The following ANK2 variants were observed in gnomAD, a reference collection of about 807,000 sequenced individuals.
ANK2 encodes ankyrin 2.
Under a neutral mutation model 360.5 loss-of-function variants are expected in ANK2, and 83 were observed. That is an observed-to-expected ratio of 0.23 (90% CI 0.19 to 0.28). The LOEUF is 0.28. Ranked by LOEUF, ANK2 falls within the 10% of genes least tolerant of loss-of-function variation. The pLI, the probability that ANK2 is intolerant of heterozygous loss-of-function variation, is 1.00. For missense variants in ANK2, 4,201 were observed against 4,795.7 expected (o/e 0.88, Z 3.66); for synonymous variants, 1,740 against 1,759.5 (o/e 0.99, Z 0.28).
At chr4:113,302,360 T>C (rs1402157062) in intron 22 of ANK2, among the ~76,000 whole-genome samples, 2 of 152,262 alleles carry the variant, frequency 1.3e-5, no homozygotes, top group Non-Finnish European at 2.9e-5. Context: ...TCTTTTCTAA[T>C]GGCTTTGCTT....
At chr4:112,860,416 G>C (rs932991868) in intron 1 of ANK2, among the ~76,000 whole-genome samples, 4 of 151,878 alleles carry the variant, frequency 2.6e-5, no homozygotes, top group Non-Finnish European at 5.9e-5. Context: ...TAGTGAAGAC[G>C]GGGTTTCACC....
chr4:112,786,937 T>C, the ANK2 span, among the ~76,000 whole-genome samples: 1 of 151,756 alleles, frequency 6.6e-6, no homozygotes, highest in Admixed American at 6.6e-5. Context: ...TTAGTAGAGA[T>C]GGGGATTCGC....
Position 113,365,039 on chromosome 4 carries a change from A to G in ANK2, c.10889A>G (p.Asp3630Gly). 1 of 1,613,868 alleles carries G rather than the reference A, an allele frequency of 6.2e-7. No individual in the cohort carries two copies. ...AAATGCTGTTTCTCTAATGTGTCAG[A>G]TACCAACCTCGTTGAATGTCTCACC... Reference protein sequence around the residue: ...WLERDGKHATDTNLVECLTKI... With the variant: ...WLERDGKHATGTNLVECLTKI... Residue 3630 changes from aspartate to glycine, a missense_variant and splice_region_variant, in exon 41 of 46, where the codon GAT (aspartate) becomes GGT (glycine). This residue lies in a region of ANK2 where 2,642 missense variants were observed against 2,714.5 expected (regional missense o/e 0.97). Coordinates refer to ENST00000357077, the MANE Select transcript of ANK2 (RefSeq NM_001148.6).
Position 113,353,682 on chromosome 4 carries a change from G to A in ANK2, c.5064G>A (p.Gln1688=), listed in dbSNP as rs1051651927. The change falls in exon 38 of 46, where the codon CAG becomes CAA. Residue 1688 remains glutamine (Q), a synonymous_variant. Coordinates refer to ENST00000357077, the MANE Select transcript of ANK2 (RefSeq NM_001148.6). ...AAGACATACCCCCAGATGAGACACA[G>A]AGTACACAGAAACAGCACAAACCAA... ...EGKDIPPDET[Q]STQKQHKPSL... is the part of the protein sequence containing the mutation. 1.9e-6 allele frequency: 3 copies of A among 1,613,814 alleles called. No individual in the cohort carries two copies. In the African/African-American group the frequency reaches 4.0e-5, roughly 22 times the overall value.
chr4:112,802,015 T>C, the ANK2 span, among the ~76,000 whole-genome samples: 1 of 152,026 alleles, frequency 6.6e-6, no homozygotes, highest in Non-Finnish European at 1.5e-5. Flanking sequence ...ATTTGTGTGA[T>C]ATTTTCCAGG....
chr4:113,298,400 T>C (rs1365070052), intron 22 of ANK2, among the ~76,000 whole-genome samples: 1 of 152,172 alleles, frequency 6.6e-6, no homozygotes, highest in Non-Finnish European at 1.5e-5. Context: ...AAGTATGCTG[T>C]GGTGGCTTAG....
intron 22 of ANK2, among the ~76,000 whole-genome samples, chr4:113,299,021 C>G (rs1287620444): frequency 6.6e-6 from 1 of 152,160 alleles, no homozygotes; most frequent in East Asian, 1.9e-4. Context: ...TACCACATTG[C>G]ATATAGAGGC....
the ANK2 span, among the ~76,000 whole-genome samples, chr4:112,812,553 A>G: frequency 1.3e-5 from 2 of 152,210 alleles, no homozygotes; most frequent in African/African-American, 4.8e-5. Context: ...GGCACCAGAC[A>G]TGTGAGTGAA....
intron 29 of ANK2, among the ~76,000 whole-genome samples, chr4:113,335,329 A>G (rs1023961530): frequency 2.6e-5 from 4 of 152,212 alleles, no homozygotes; most frequent in Non-Finnish European, 5.9e-5. Flanking sequence ...AAACTCATAA[A>G]CATGACTCTT....
intron 2 of ANK2, among the ~76,000 whole-genome samples, chr4:112,975,113 C>T (rs998222763): frequency 2.6e-5 from 4 of 152,148 alleles, no homozygotes; most frequent in African/African-American, 9.7e-5. Context: ...GGGAAATGCC[C>T]GTTTTTCCCT....
intron 1 of ANK2, among the ~76,000 whole-genome samples, chr4:112,829,125 C>A (rs1475600967): frequency 6.6e-6 from 1 of 152,084 alleles, no homozygotes; most frequent in Non-Finnish European, 1.5e-5. Flanking sequence ...TGCATTCCAG[C>A]CTGGGTGACA....
chr4:112,793,740 C>T, the ANK2 span, among the ~76,000 whole-genome samples: 4 of 139,664 alleles, frequency 2.9e-5, no homozygotes, highest in Non-Finnish European at 4.5e-5. Flanking sequence ...GGGTCTTACT[C>T]TGTCGCCCAG....
chr4:113,242,335 T>TGATTTAAATGTTGTATGA, intron 9 of ANK2, 126 bp downstream of exon 9: 1 of 835,548 alleles, frequency 1.2e-6, no homozygotes, highest in Non-Finnish European at 2.0e-6. Context: ...TTATTGGAAT[T>TGATTTAAATGTTGTATGA]GATTTAAATC....
chr4:112,990,859 G>A (rs1561436797), intron 2 of ANK2, among the ~76,000 whole-genome samples: 1 of 152,172 alleles, frequency 6.6e-6, no homozygotes, highest in Non-Finnish European at 1.5e-5. Flanking sequence ...GTGTTACTGT[G>A]AAGTATTTTA....
Position 113,277,971 on chromosome 4 carries a change from T to C in ANK2, c.1782+36T>C, listed in dbSNP as rs762241933. 17 of 1,557,292 alleles carry C rather than the reference T, an allele frequency of 1.1e-5. 1 individual carries two copies. In the South Asian group the frequency reaches 1.5e-4, roughly 13 times the overall value. ...TCTATACGTTATAATTATGTAACAG[T>C]GAAGGTGATAGATTAGGAGATCTGT... On this transcript the variant is annotated intron_variant, in intron 16 of 45. Coordinates refer to ENST00000357077, the MANE Select transcript of ANK2 (RefSeq NM_001148.6).
At chr4:113,331,897 G>T (rs1017551812) in intron 27 of ANK2, 75 bp from the exon 28 acceptor site, 16 of 1,360,960 alleles carry the variant, frequency 1.2e-5, no homozygotes, top group Non-Finnish European at 1.7e-5. Context: ...AGCTGGCGAC[G>T]CTGGGGTTCT....
chr4:112,771,262 G>A, the ANK2 span, among the ~76,000 whole-genome samples: 5 of 152,108 alleles, frequency 3.3e-5, no homozygotes, highest in East Asian at 1.9e-4. Context: ...ACAGGCATGC[G>A]CCACCACGCT....
At chr4:112,977,982 G>A (rs138505999) in intron 2 of ANK2, among the ~76,000 whole-genome samples, 8 of 152,218 alleles carry the variant, frequency 5.3e-5, no homozygotes, top group African/African-American at 1.9e-4. Context: ...GGTGGCTCAC[G>A]CCTGTAATCC....
chr4:113,230,737 T>A (rs931384515), intron 4 of ANK2, among the ~76,000 whole-genome samples: 7 of 152,148 alleles, frequency 4.6e-5, no homozygotes, highest in African/African-American at 1.7e-4. Flanking sequence ...GAAAAGAAAA[T>A]TTGCCCATTC....
Sources: allele counts gnomAD v4.1 joint callset (sites outside exome capture counted in the v4.1 genomes callset), GRCh38; gene constraint gnomAD v4.1.1; regional missense constraint gnomAD v4.1.1; transcripts MANE v1.5; gene names NCBI Gene and HGNC (gene_info 2026-07-23, HGNC 2026-07-21).